RTN1: variants seen among roughly 807,000 people sequenced by gnomAD.
RTN1 encodes reticulon-1.
In RTN1, 25 loss-of-function variants were observed where a neutral mutation model predicts 65.5. That is an observed-to-expected ratio of 0.38 (90% CI 0.28 to 0.53). The LOEUF (loss-of-function observed/expected upper bound fraction) is 0.53. RTN1 is among the 20% of genes least tolerant of loss of function. The pLI is 0.79. For missense variants in RTN1, 983 were observed against 1,025.4 expected (o/e 0.96, Z 0.57); for synonymous variants, 471 against 447.6 (o/e 1.05, Z -0.66).
chr14:59,612,734 T>C (rs138632910), intron 3 of RTN1, among the ~76,000 whole-genome samples: 2 of 152,298 alleles, frequency 1.3e-5, no homozygotes, highest in Non-Finnish European at 2.9e-5. Context: ...GAGCTTAACC[T>C]TGTGACCATG....
chr14:59,717,825 T>G (rs1338728302), intron 3 of RTN1, among the ~76,000 whole-genome samples: 7 of 152,190 alleles, frequency 4.6e-5, no homozygotes, highest in Admixed American at 4.6e-4. Flanking sequence ...GTTGGGTTAC[T>G]GGAGGAAAAA....
chr14:59,746,655 C>G (rs1333122313), intron 1 of RTN1, among the ~76,000 whole-genome samples, 174 bp from the exon 2 acceptor site: 1 of 152,102 alleles, frequency 6.6e-6, no homozygotes, highest in Admixed American at 6.5e-5. Context: ...CCTAATCTCC[C>G]CGATAGTCCA....
rs369573239 is a variant in RTN1 at position 59,621,030 on chromosome 14, G to T, written c.1766-13538C>A. 7.2e-5 allele frequency among the ~76,000 whole-genome samples: 11 copies of T among 152,330 alleles called. No homozygotes were observed. The East Asian group carries it at 1.9e-3, about 27-fold the overall frequency. On this transcript the variant is annotated intron_variant, in intron 3 of 8. Transcript: ENST00000267484. ...CAGTGGGAAGGGTAGGAGGTGATGG[G>T]ATCAGAGAAGAGAATTTCTGCATTC...
In RTN1 at chr14:59,603,096, C is replaced by T. The variant is rs1458999121; in HGVS notation, c.2257G>A (p.Val753Met). 6.2e-7 allele frequency: 1 copy of T among 1,613,280 alleles called. No homozygotes were observed. The highest frequency in any genetic ancestry group is 1.3e-5 in the African/African-American group (1 of 74,790). ...QAQIDQYLGL[V>M]RTHINAVVAK... The stretch of plus-strand genomic sequence containing the variant: ...ACAACAGCATTTATGTGAGTCCTCA[C>T]AAGTCCCAGATATTGGTCAATCTGT... Residue 753 changes from valine (V) to methionine (M), a missense_variant, in exon 8 of 9, where the codon GTG becomes ATG. Coordinates refer to ENST00000267484, the MANE Select transcript of RTN1 (RefSeq NM_021136.3).
rs1374507017 is a variant in RTN1 at position 59,596,331 on chromosome 14, A to T, written c.*414T>A. On this transcript the variant is annotated 3_prime_UTR_variant, in exon 9 of 9. Transcript: ENST00000267484. ...TATATTGTTATTAAAGATTAATCCAACCAGCAACCCAAGGACATATAAGCG... is the reference window on the plus strand; with the variant it reads ...TATATTGTTATTAAAGATTAATCCATCCAGCAACCCAAGGACATATAAGCG... The T allele has an allele frequency of 6.4e-6, 1 of 156,264 alleles. No individual in the cohort carries two copies. Among genetic ancestry groups the T allele is most frequent in the Non-Finnish European group, 1.4e-5 (1 of 70,440 alleles). The allele number at this position is 156,264 out of a possible 1,614,324, so 9.7% of individuals were successfully genotyped here. A position where few individuals can be genotyped will look rare whatever the true frequency, so the allele number is the denominator to read the frequency against.
chr14:59,636,145 A>G (rs762218814), intron 3 of RTN1, among the ~76,000 whole-genome samples: 10 of 152,212 alleles, frequency 6.6e-5, no homozygotes, highest in Admixed American at 1.3e-4. Flanking sequence ...GGAAAATGCT[A>G]TACCGAGTGA....
intron 1 of RTN1, among the ~76,000 whole-genome samples, chr14:59,765,197 T>C (rs1467100780): frequency 6.6e-6 from 1 of 152,078 alleles, no homozygotes; most frequent in Non-Finnish European, 1.5e-5. Context: ...TTCAAGCAGA[T>C]ACTCTGAAAA....
chr14:59,750,053 T>G (rs1479428147), intron 1 of RTN1, among the ~76,000 whole-genome samples: 899 of 57,134 alleles, frequency 0.016, 42 homozygotes, highest in African/African-American at 0.062. Context: ...TATATTATAT[T>G]ATATACATAT....
chr14:59,712,181 C>T (rs186050747), intron 3 of RTN1, among the ~76,000 whole-genome samples: 1 of 152,202 alleles, frequency 6.6e-6, no homozygotes, highest in African/African-American at 2.4e-5. Flanking sequence ...AAGGCACACA[C>T]CTGAGGCTAA....
chr14:59,732,847 C>A (rs1266045533), intron 2 of RTN1, among the ~76,000 whole-genome samples: 1 of 152,158 alleles, frequency 6.6e-6, no homozygotes, highest in Non-Finnish European at 1.5e-5. Flanking sequence ...TTCTATGGCA[C>A]CTTACAAGAT....
At chr14:59,750,345 AATATATATTATATCTATATATTATATCT>A (rs1396145068) in intron 1 of RTN1, among the ~76,000 whole-genome samples, 114 of 1,878 alleles carry the variant, frequency 0.061, 2 homozygotes, top group African/African-American at 0.13. Context: ...TTATATCTAT[AATATATATTATATCTATATATTATATCT>A]ATATATTATA....
At chr14:59,616,674 G>C (rs1161264869) in intron 3 of RTN1, among the ~76,000 whole-genome samples, 1 of 152,142 alleles carries the variant, frequency 6.6e-6, no homozygotes, top group Non-Finnish European at 1.5e-5. Context: ...CATAATTGTA[G>C]CTTTAATAGT....
In RTN1 at chr14:59,836,070, C is replaced by G. The variant is rs1207477068; in HGVS notation, c.241+34320G>C. Among the ~76,000 whole-genome samples, 1 of 152,198 alleles carries G rather than the reference C, an allele frequency of 6.6e-6. No individual in the cohort carries two copies. The highest frequency in any genetic ancestry group is 1.5e-5 in the Non-Finnish European group (1 of 68,040). The stretch of plus-strand genomic sequence containing the variant: ...GATTCCATCATCACATCTCCTCTCA[C>G]TCTGACTCTGCTTCTTCCCTCTTAG... On this transcript the variant is annotated intron_variant, in intron 1 of 8. Coordinates refer to ENST00000267484, the MANE Select transcript of RTN1 (RefSeq NM_021136.3). This position sits in a 1 kb window ranked among gnomAD's most constrained non-coding sequence, Gnocchi z 4.9.
intron 3 of RTN1, among the ~76,000 whole-genome samples, chr14:59,719,561 C>T (rs1884605186): frequency 6.6e-6 from 1 of 152,198 alleles, no homozygotes; most frequent in Non-Finnish European, 1.5e-5. Context: ...ACATCCTATG[C>T]CATATTGGTT....
chr14:59,721,447 G>A (rs1884645605), intron 3 of RTN1, among the ~76,000 whole-genome samples: 1 of 152,216 alleles, frequency 6.6e-6, no homozygotes, highest in African/African-American at 2.4e-5. Context: ...GGTCTGGGCT[G>A]CTTAGCTCAT....
At position 59,774,538 on chromosome 14, in the gene RTN1, CA is replaced by C; in HGVS notation, c.242-28058del. Among the ~76,000 whole-genome samples the C allele has an allele frequency of 6.6e-6, 1 of 151,106 alleles. No homozygotes were observed. Among genetic ancestry groups the C allele is most frequent in the South Asian group, 2.1e-4 (1 of 4,826 alleles). On this transcript the variant is annotated intron_variant, in intron 1 of 8. Coordinates refer to ENST00000267484, the MANE Select transcript of RTN1 (RefSeq NM_021136.3). This position sits in a 1 kb window ranked among gnomAD's most constrained non-coding sequence, Gnocchi z 5.1. ...CTTGGCAATTTCACTCCACACTGAT[CA>C]AAATCAGTTCAAAATAGTCCAGTTC...
chr14:59,760,586 C>A (rs1885729118), intron 1 of RTN1, among the ~76,000 whole-genome samples: 1 of 152,198 alleles, frequency 6.6e-6, no homozygotes, highest in South Asian at 2.1e-4. Flanking sequence ...GAACCCCCAG[C>A]CCAGCTTCCT....
intron 3 of RTN1, among the ~76,000 whole-genome samples, chr14:59,610,502 G>A (rs1881914610): frequency 6.6e-6 from 1 of 152,178 alleles, no homozygotes; most frequent in Non-Finnish European, 1.5e-5. Context: ...TCACAGGTGA[G>A]GAAACTAAAC....
intron 1 of RTN1, among the ~76,000 whole-genome samples, chr14:59,749,667 ATATTTATATATC>A (rs1885385576): frequency 6.5e-5 from 6 of 92,000 alleles, no homozygotes; most frequent in Non-Finnish European, 9.0e-5. Flanking sequence ...ATATCTATAT[ATATTTATATATC>A]TATATATTTA....
Sources: gnomAD v4.1 joint callset for allele counts (sites outside exome capture counted in the v4.1 genomes callset) on GRCh38, gnomAD v4.1.1 for gene constraint, Gnocchi (gnomAD v3.1) non-coding constraint, MANE v1.5 for transcripts, NCBI Gene and HGNC (gene_info 2026-07-23, HGNC 2026-07-21) for gene names.